TMC3: variants seen among roughly 807,000 people sequenced by gnomAD.
TMC3 encodes transmembrane channel-like protein 3.
In TMC3, 98 loss-of-function variants were observed where a neutral mutation model predicts 110.6. The observed-to-expected ratio is 0.89, with a 90% CI of 0.75 to 1.05. The LOEUF (loss-of-function observed/expected upper bound fraction) is 1.05, where lower values mean the gene tolerates loss of function less well. Among genes scored for constraint, TMC3 ranks in the 50% least tolerant of loss-of-function variants. The pLI is 0.00. For synonymous variants in TMC3, 489 were observed against 513.1 expected, an observed-to-expected ratio of 0.95 and a Z score of 0.63; for missense variants, 1,319 against 1,373.2, an observed-to-expected ratio of 0.96 and a Z score of 0.62.
At chr15:81,372,803 G>T (rs1300982990) in intron 1 of TMC3, 66 bp from the exon 2 acceptor site, 2 of 1,556,142 alleles carry the variant, frequency 1.3e-6, no homozygotes, top group African/African-American at 2.7e-5. Context: ...AGATCATCTT[G>T]CCCTGGGCAC....
Position 81,358,258 on chromosome 15 carries a change from A to G in TMC3, c.634T>C (p.Tyr212His). The G allele has an allele frequency of 1.2e-6, 2 of 1,612,802 alleles. No homozygotes were observed. The highest frequency in any genetic ancestry group is 1.7e-6 in the Non-Finnish European group (2 of 1,179,432). Residue 212 changes from tyrosine to histidine, a missense_variant, in exon 7 of 22, where the codon TAT becomes CAT. Physicochemically the swap from Tyr to His is moderately conservative, Grantham distance 83 (BLOSUM62 2). Transcript: ENST00000359440. The stretch of plus-strand genomic sequence containing the variant: ...CCGATCTTCCTCTCCCTGCCGTAAT[A>G]TCCGTAGAAGAGGACAGAGTACTGG... ...YLQYSVLFYG[Y>H]YGRERKIGRA...
rs902541397 is a variant in TMC3, at chr15:81,338,861, G to C, written c.1956-81C>G. On this transcript the variant is annotated intron_variant, in intron 17 of 21. Coordinates refer to ENST00000359440, the MANE Select transcript of TMC3 (RefSeq NM_001080532.3). Reference sequence around the variant, plus strand: ...GCAAGACATCAGAAAATGGCTGGATGCCTGGAGGCCAATTCATAACATTCC... The same window carrying C: ...GCAAGACATCAGAAAATGGCTGGATCCCTGGAGGCCAATTCATAACATTCC... 17 of 1,474,826 alleles carry C rather than the reference G, an allele frequency of 1.2e-5. No homozygotes were observed. The African/African-American group carries it at 1.9e-4, about 17-fold the overall frequency. 91.4% of individuals were successfully genotyped at this position (1,474,826 alleles called of 1,614,324 possible).
At chr15:81,350,000 T>G (rs1357655252) in intron 10 of TMC3, among the ~76,000 whole-genome samples, 2 of 145,830 alleles carry the variant, frequency 1.4e-5, no homozygotes, top group Admixed American at 1.4e-4. Context: ...TGGTCCCAAC[T>G]CATTGGGAGG....
chr15:81,341,351 A>G, intron 16 of TMC3, 39 bp downstream of exon 16: 3 of 1,577,028 alleles, frequency 1.9e-6, no homozygotes, highest in Non-Finnish European at 1.7e-6. Context: ...ATATATGTAT[A>G]TATAGTTATC....
intron 3 of TMC3, among the ~76,000 whole-genome samples, chr15:81,362,890 C>A (rs1362602410): frequency 6.6e-6 from 1 of 152,128 alleles, no homozygotes; most frequent in Admixed American, 6.5e-5. Context: ...TGAGCCCCAC[C>A]CTAATGTGTG....
chr15:81,359,295 G>C lies in TMC3; in HGVS notation c.501+70C>G, dbSNP rs190236440. ...TTTCATCCCCACAATGATAACCAGAGGAGCCATTTTATGCGACTGCTGTAA... is the reference window on the plus strand; with the variant it reads ...TTTCATCCCCACAATGATAACCAGACGAGCCATTTTATGCGACTGCTGTAA... On this transcript the variant is annotated intron_variant, in intron 5 of 21. Transcript: ENST00000359440. 2.6e-4 allele frequency: 293 copies of C among 1,127,710 alleles called. No individual in the cohort carries two copies. In the African/African-American group the frequency reaches 3.8e-3, roughly 14 times the overall value. The allele number at this position is 1,127,710 out of a possible 1,614,324, so 69.9% of individuals were successfully genotyped here.
intron 17 of TMC3, 97 bp from the exon 18 acceptor site, chr15:81,338,877 A>G: frequency 7.6e-7 from 1 of 1,311,102 alleles, no homozygotes; most frequent in South Asian, 1.3e-5. Flanking sequence ...AGGCCAATTC[A>G]TAACATTCCT....
intron 2 of TMC3, among the ~76,000 whole-genome samples, chr15:81,370,188 G>A (rs1427822427): frequency 1.3e-5 from 2 of 152,148 alleles, no homozygotes; most frequent in Non-Finnish European, 2.9e-5. Context: ...CTCTTAGACA[G>A]GTGGCTCTTG....
chr15:81,334,948 G>A lies in TMC3; in HGVS notation c.2231C>T (p.Thr744Ile), dbSNP rs763492574. The A allele has an allele frequency of 6.2e-7, 1 of 1,614,020 alleles. No homozygotes were observed. The highest frequency in any genetic ancestry group is 8.5e-7 in the Non-Finnish European group (1 of 1,179,886). The change falls in exon 21 of 22, where the codon ACC (threonine) becomes ATC (isoleucine). Residue 744 changes from threonine (T) to isoleucine (I), a missense_variant. By Grantham distance (89) the Thr-to-Ile change is moderately conservative (BLOSUM62 -1). Transcript: ENST00000359440. ...EARIQTQEES[T>I]KKLPNDSDLT... ...ATCACTGTCGTTTGGAAGCTTCTTG[G>A]TGCTTTCTTCCTGGGTCTGGATTCG...
chr15:81,349,287 C>G lies in TMC3; in HGVS notation c.1193+171G>C, dbSNP rs571437711. Among the ~76,000 whole-genome samples, 266 of 152,286 alleles carry G rather than the reference C, an allele frequency of 1.7e-3. 3 individuals are homozygous for G. Among genetic ancestry groups the G allele is most frequent in the African/African-American group, 6.3e-3 (260 of 41,556 alleles). On this transcript the variant is annotated intron_variant, in intron 11 of 21. Transcript: ENST00000359440. ...TCCTCCTCTTCCCCTGCCTCCTCCC[C>G]TATCCCTCCTCTTGGGTTATGCTTT...
At chr15:81,355,180 T>C (rs1894033170) in intron 9 of TMC3, among the ~76,000 whole-genome samples, 1 of 152,192 alleles carries the variant, frequency 6.6e-6, no homozygotes, top group Non-Finnish European at 1.5e-5. Context: ...TCATGAGGGC[T>C]AAATAACCAG....
At chr15:81,346,099 G>T (rs1481639650) in intron 12 of TMC3, among the ~76,000 whole-genome samples, 2 of 152,152 alleles carry the variant, frequency 1.3e-5, no homozygotes, top group African/African-American at 4.8e-5. Flanking sequence ...GGGGTAGTAT[G>T]ATACAAAGAG....
At position 81,358,474 on chromosome 15, in the gene TMC3, G is replaced by A. The variant is rs1344400908; in HGVS notation, c.528C>T (p.Ser176=). Residue 176 remains serine (S), a synonymous_variant, in exon 6 of 22, where the codon AGC becomes AGT. Transcript: ENST00000359440. ...CCTTGGGGATGGTCTTCCTGGCTGT[G>A]CTTCCAAAGGGCTGGCCTGCAATCA... ...PELIAGQPFG[S]TARKTIPKEQ... 2 of 1,612,914 alleles carry A rather than the reference G, an allele frequency of 1.2e-6. No individual in the cohort carries two copies. The highest frequency in any genetic ancestry group is 3.3e-5 in the Admixed American group (2 of 59,824).
chr15:81,332,560 G>T lies in TMC3; in HGVS notation c.3162C>A (p.Asn1054Lys). 6.2e-7 allele frequency: 1 copy of T among 1,614,020 alleles called. No homozygotes were observed. The highest frequency in any genetic ancestry group is 8.5e-7 in the Non-Finnish European group (1 of 1,179,898). The change falls in exon 22 of 22, where the codon AAC (asparagine) becomes AAA (lysine). Residue 1054 changes from asparagine (N) to lysine (K), a missense_variant. Physicochemically the swap from Asn to Lys is moderately conservative, Grantham distance 94. Coordinates refer to ENST00000359440, the MANE Select transcript of TMC3 (RefSeq NM_001080532.3). ...VSAASSSDQQNSSADQYLQVT... is the reference protein window; with the variant it reads ...VSAASSSDQQKSSADQYLQVT... ...CCTGCAGGTACTGGTCAGCGCTGCT[G>T]TTCTGCTGGTCACTGCTGGATGCTG...
chr15:81,344,913 C>T lies in TMC3; in HGVS notation c.1371G>A (p.Arg457=). Residue 457 remains arginine (R), a synonymous_variant, in exon 13 of 22, where the codon CGG becomes CGA. Transcript: ENST00000359440. ...APEEEKWSTS[R]PGMGLRRNNT... ...TGTTTCTCCTGAGCCCCATTCCAGG[C>T]CGAGATGTGGACCATTTCTCTTCTT... The T allele has an allele frequency of 6.2e-7, 1 of 1,613,890 alleles. No individual in the cohort carries two copies. The highest frequency in any genetic ancestry group is 8.5e-7 in the Non-Finnish European group (1 of 1,179,866).
Position 81,357,557 on chromosome 15 carries a change from T to C in TMC3, c.743+592A>G, listed in dbSNP as rs112196200. Among the ~76,000 whole-genome samples, 496 of 152,188 alleles carry C rather than the reference T, an allele frequency of 3.3e-3. 1 individual carries two copies. Among genetic ancestry groups the C allele is most frequent in the Middle Eastern group, 0.014 (4 of 294 alleles). On this transcript the variant is annotated intron_variant, in intron 7 of 21. Coordinates refer to ENST00000359440, the MANE Select transcript of TMC3 (RefSeq NM_001080532.3). ...GGCTCAGGGAAGGAAGGTGAGTTCC[T>C]ACAGGTCTCACAGTCGGGGTGGTGC... is the stretch of plus-strand genomic sequence containing the variant.
At chr15:81,356,963 C>G (rs1894078780) in intron 7 of TMC3, among the ~76,000 whole-genome samples, 1 of 152,194 alleles carries the variant, frequency 6.6e-6, no homozygotes, top group Non-Finnish European at 1.5e-5. Flanking sequence ...CTTCTTGGAG[C>G]TCCTTCCCAT....
Position 81,359,338 on chromosome 15 carries a change from G to A in TMC3, c.501+27C>T, listed in dbSNP as rs769019344. The stretch of plus-strand genomic sequence containing the variant: ...TGCTGTAATGTCTCCTCTTTGTAAT[G>A]AGTGGTACTTTCCTGAAACATCTTA... On this transcript the variant is annotated intron_variant, in intron 5 of 21. Coordinates refer to ENST00000359440, the MANE Select transcript of TMC3 (RefSeq NM_001080532.3). 10 of 1,501,296 alleles carry A rather than the reference G, an allele frequency of 6.7e-6. 1 individual carries two copies. The South Asian group carries it at 1.1e-4, about 16-fold the overall frequency. The allele number at this position is 1,501,296 out of a possible 1,614,324, so 93.0% of individuals were successfully genotyped here.
chr15:81,352,320 C>T (rs193205304), intron 9 of TMC3, among the ~76,000 whole-genome samples: 16 of 152,246 alleles, frequency 1.1e-4, no homozygotes, highest in Admixed American at 9.2e-4. Flanking sequence ...CGCATAATGG[C>T]ATTTTGGTCA....
Sources: gnomAD v4.1 joint callset for allele counts (sites outside exome capture counted in the v4.1 genomes callset) on GRCh38, gnomAD v4.1.1 for gene constraint, MANE v1.5 for transcripts, NCBI Gene and HGNC (gene_info 2026-07-23, HGNC 2026-07-21) for gene names.